Variants in NRGN observed in about 807,000 individuals in gnomAD.
NRGN encodes the protein neurogranin, also known as calmodulin-binding protein.
For synonymous variants in NRGN, 47 were observed against 52.8 expected, an observed-to-expected ratio of 0.89 and a Z score of 0.47; for missense variants, 82 against 123.0, an observed-to-expected ratio of 0.67 and a Z score of 1.58.
chr11:124,740,115 C>G lies in NRGN; in HGVS notation c.15+16C>G, dbSNP rs751881204. On this transcript the variant is annotated intron_variant, in intron 1 of 3. Coordinates refer to ENST00000284292, the MANE Select transcript of NRGN (RefSeq NM_006176.3). The surrounding 1 kb of genome is among the most constrained non-coding windows in gnomAD (Gnocchi z 7.5). ...CTGCTGCACCGTAAGTTAGAGGGCC[C>G]GGGGGAGGGGCACTTGGCGGGGTCC... The G allele has an allele frequency of 5.3e-6, 7 of 1,331,944 alleles. No homozygotes were observed. In the African/African-American group the frequency reaches 9.1e-5, roughly 17 times the overall value. The allele number at this position is 1,331,944 out of a possible 1,614,324, so 82.5% of individuals were successfully genotyped here.
In NRGN at chr11:124,740,894, A is replaced by T. The variant is rs1021552855; in HGVS notation, c.15+795A>T. Among the ~76,000 whole-genome samples the T allele has an allele frequency of 7.9e-5, 12 of 152,162 alleles. No homozygotes were observed. Among genetic ancestry groups the T allele is most frequent in the Non-Finnish European group, 1.2e-4 (8 of 68,024 alleles). ...CAGTGATCATACGTATATGAAATTT[A>T]TTTGTTTGCTTATTTATTTTTTGCC... On this transcript the variant is annotated intron_variant, in intron 1 of 3. Coordinates refer to ENST00000284292, the MANE Select transcript of NRGN (RefSeq NM_006176.3). The surrounding 1 kb of genome is among the most constrained non-coding windows in gnomAD (Gnocchi z 7.5).
rs935854695 is a variant in NRGN, at chr11:124,745,453, G to A, written c.16-50G>A. 7.2e-7 allele frequency: 1 copy of A among 1,391,880 alleles called. No individual in the cohort carries two copies. The highest frequency in any genetic ancestry group is 9.6e-7 in the Non-Finnish European group (1 of 1,038,150). The allele number at this position is 1,391,880 out of a possible 1,614,324, so 86.2% of individuals were successfully genotyped here. A position where few individuals can be genotyped will look rare whatever the true frequency, so the allele number is the denominator to read the frequency against. Reference sequence around the variant, plus strand: ...AGGGCTCTATTCCTACCCCACTCCCGCGGATCAAGACCCAGTGACCCCACA... The same window carrying A: ...AGGGCTCTATTCCTACCCCACTCCCACGGATCAAGACCCAGTGACCCCACA... On this transcript the variant is annotated intron_variant, in intron 1 of 3. Coordinates refer to ENST00000284292, the MANE Select transcript of NRGN (RefSeq NM_006176.3). The surrounding 1 kb of genome is among the most constrained non-coding windows in gnomAD (Gnocchi z 6.4).
rs1409307043 is a variant in NRGN, at chr11:124,745,681, G to A, written c.194G>A (p.Gly65Glu). The A allele has an allele frequency of 1.4e-6, 2 of 1,441,698 alleles. No individual in the cohort carries two copies. The highest frequency in any genetic ancestry group is 1.8e-6 in the Non-Finnish European group (2 of 1,103,978). The allele number at this position is 1,441,698 out of a possible 1,614,324, so 89.3% of individuals were successfully genotyped here. Residue 65 changes from glycine (G) to glutamate (E), a missense_variant, in exon 2 of 4, where the codon GGG (glycine) becomes GAG (glutamate). Gly to Glu is a moderately conservative substitution (Grantham distance 98, BLOSUM62 -2). Transcript: ENST00000284292. The surrounding 1 kb of genome is among the most constrained non-coding windows in gnomAD (Gnocchi z 6.4). ...GGCCCTGGGGGGCCTGGCGGAGCTG[G>A]GGTGGCCCGGGGAGGCGCGGGCGGC... ...GPGPGGPGGA[G>E]VARGGAGGGP...
In NRGN at chr11:124,745,243, C is replaced by T. The variant is rs1229615729; in HGVS notation, c.16-260C>T. Among the ~76,000 whole-genome samples, 7 of 152,128 alleles carry T rather than the reference C, an allele frequency of 4.6e-5. No individual in the cohort carries two copies. Among genetic ancestry groups the T allele is most frequent in the Non-Finnish European group, 8.8e-5 (6 of 68,032 alleles). On this transcript the variant is annotated intron_variant, in intron 1 of 3. Transcript: ENST00000284292. This position sits in a 1 kb window ranked among gnomAD's most constrained non-coding sequence, Gnocchi z 6.4. ...CTCGGTGCTGGTGATGGGCCTGGCT[C>T]TCCCGCACCCAATCCTGCCTGCACT... is the stretch of plus-strand genomic sequence containing the variant.
Position 124,745,519 on chromosome 11 carries a change from A to T in NRGN, c.32A>T (p.Lys11Met). The change falls in exon 2 of 4, where the codon AAG becomes ATG. Residue 11 changes from lysine (K) to methionine (M), a missense_variant. Coordinates refer to ENST00000284292, the MANE Select transcript of NRGN (RefSeq NM_006176.3). This position sits in a 1 kb window ranked among gnomAD's most constrained non-coding sequence, Gnocchi z 6.4. MDCCTENACS[K>M]PDDDILDIPL... ...CGCCCCCAGGAGAACGCCTGCTCCA[A>T]GCCGGACGACGACATTCTAGACATC... The T allele has an allele frequency of 6.3e-7, 1 of 1,597,550 alleles. No homozygotes were observed. Among genetic ancestry groups the T allele is most frequent in the South Asian group, 1.1e-5 (1 of 89,062 alleles).
intron 1 of NRGN, chr11:124,744,490 C>T (rs1427938127): frequency 1.3e-5 from 2 of 152,330 alleles, no homozygotes; most frequent in African/African-American, 4.8e-5. Flanking sequence ...GCTGCATTTT[C>T]TTATCCTACA....
chr11:124,742,925 G>A (rs1943977678), intron 1 of NRGN, among the ~76,000 whole-genome samples: 1 of 152,166 alleles, frequency 6.6e-6, no homozygotes, highest in South Asian at 2.1e-4. Context: ...GGGACTAGAA[G>A]GCTTGGACCC....
chr11:124,740,417 A>G lies in NRGN; in HGVS notation c.15+318A>G, dbSNP rs558234959. 6.6e-6 allele frequency among the ~76,000 whole-genome samples: 1 copy of G among 152,300 alleles called. No individual in the cohort carries two copies. The highest frequency in any genetic ancestry group is 1.5e-5 in the Non-Finnish European group (1 of 68,030). ...GGATGACAGGAGGAACTTCCTCCCC[A>G]GTGAGACGCTGGCAACCATCGCCTG... is the stretch of plus-strand genomic sequence containing the variant. On this transcript the variant is annotated intron_variant, in intron 1 of 3. Transcript: ENST00000284292. This position sits in a 1 kb window ranked among gnomAD's most constrained non-coding sequence, Gnocchi z 7.5.
At chr11:124,744,004 C>G (rs891146750) in intron 1 of NRGN, among the ~76,000 whole-genome samples, 1 of 152,000 alleles carries the variant, frequency 6.6e-6, no homozygotes, top group African/African-American at 2.4e-5. Context: ...CTGACCCACA[C>G]TAATACTGCA....
chr11:124,743,532 G>GT (rs563937701), intron 1 of NRGN, among the ~76,000 whole-genome samples: 16 of 152,006 alleles, frequency 1.1e-4, no homozygotes, highest in African/African-American at 3.1e-4. Flanking sequence ...TTTTCTTTCT[G>GT]TTTTTTTGAC....
rs1294451086 is a variant in NRGN at position 124,740,811 on chromosome 11, G to A, written c.15+712G>A. Reference sequence around the variant, plus strand: ...AGCGCCCGAGGGGTTTGCTGTAAAGGTGACTCGGTATGAAAGCGCCTGGCA... The same window carrying A: ...AGCGCCCGAGGGGTTTGCTGTAAAGATGACTCGGTATGAAAGCGCCTGGCA... On this transcript the variant is annotated intron_variant, in intron 1 of 3. Transcript: ENST00000284292. This position sits in a 1 kb window ranked among gnomAD's most constrained non-coding sequence, Gnocchi z 7.5. Among the ~76,000 whole-genome samples the A allele has an allele frequency of 6.6e-6, 1 of 152,270 alleles. No individual in the cohort carries two copies. Among genetic ancestry groups the A allele is most frequent in the Non-Finnish European group, 1.5e-5 (1 of 68,044 alleles).
chr11:124,743,326 G>A (rs1943981184), intron 1 of NRGN, among the ~76,000 whole-genome samples: 1 of 152,228 alleles, frequency 6.6e-6, no homozygotes, highest in Admixed American at 6.5e-5. Context: ...ACAGCTGCGA[G>A]GCCAAGGAGG....
Position 124,745,846 on chromosome 11 carries a change from G to A in NRGN, c.*5+117G>A, listed in dbSNP as rs1944005378. 2.0e-6 allele frequency: 1 copy of A among 487,834 alleles called. No individual in the cohort carries two copies. The highest frequency in any genetic ancestry group is 3.3e-6 in the Non-Finnish European group (1 of 304,352). 30.2% of individuals were successfully genotyped at this position (487,834 alleles called of 1,614,324 possible). On this transcript the variant is annotated intron_variant, in intron 2 of 3. Transcript: ENST00000284292. This position sits in a 1 kb window ranked among gnomAD's most constrained non-coding sequence, Gnocchi z 6.4. ...GGGGCGTGGAGGGAGCTAAGGGTTG[G>A]GGGATAGAAATCCGAGATGGGAGGT...
rs886732058 is a variant in NRGN, at chr11:124,740,357, C to T, written c.15+258C>T. Among the ~76,000 whole-genome samples the T allele has an allele frequency of 6.6e-6, 1 of 152,222 alleles. No individual in the cohort carries two copies. Among genetic ancestry groups the T allele is most frequent in the East Asian group, 1.9e-4 (1 of 5,192 alleles). ...TAGACAGCCTAGGCTGGACTGGGAGCTCGGCAGGGCTCTGCAAGAGGGGAA... is the reference window on the plus strand; with the variant it reads ...TAGACAGCCTAGGCTGGACTGGGAGTTCGGCAGGGCTCTGCAAGAGGGGAA... On this transcript the variant is annotated intron_variant, in intron 1 of 3. Coordinates refer to ENST00000284292, the MANE Select transcript of NRGN (RefSeq NM_006176.3). The surrounding 1 kb of genome is among the most constrained non-coding windows in gnomAD (Gnocchi z 7.5).
chr11:124,745,841 G>C lies in NRGN; in HGVS notation c.*5+112G>C. The C allele has an allele frequency of 4.0e-6, 2 of 506,120 alleles. No individual in the cohort carries two copies. Among genetic ancestry groups the C allele is most frequent in the Non-Finnish European group, 6.3e-6 (2 of 319,350 alleles). 31.4% of individuals were successfully genotyped at this position (506,120 alleles called of 1,614,324 possible). On this transcript the variant is annotated intron_variant, in intron 2 of 3. Coordinates refer to ENST00000284292, the MANE Select transcript of NRGN (RefSeq NM_006176.3). This position sits in a 1 kb window ranked among gnomAD's most constrained non-coding sequence, Gnocchi z 6.4. Reference sequence around the variant, plus strand: ...TGCAGGGGGCGTGGAGGGAGCTAAGGGTTGGGGGATAGAAATCCGAGATGG... The same window carrying C: ...TGCAGGGGGCGTGGAGGGAGCTAAGCGTTGGGGGATAGAAATCCGAGATGG...
At position 124,740,028 on chromosome 11, in the gene NRGN, A is replaced by G; in HGVS notation, c.-57A>G. Reference sequence around the variant, plus strand: ...AGAGCCCCCACCCGGCACCACACAGACCCCACCCCCGCCCTGCGCCAGCCT... The same window carrying G: ...AGAGCCCCCACCCGGCACCACACAGGCCCCACCCCCGCCCTGCGCCAGCCT... On this transcript the variant is annotated 5_prime_UTR_variant, in exon 1 of 4. Transcript: ENST00000284292. The surrounding 1 kb of genome is among the most constrained non-coding windows in gnomAD (Gnocchi z 7.5). 3.4e-6 allele frequency: 3 copies of G among 872,800 alleles called. No homozygotes were observed. The highest frequency in any genetic ancestry group is 4.8e-6 in the Non-Finnish European group (3 of 629,766). The allele number at this position is 872,800 out of a possible 1,614,324, so 54.1% of individuals were successfully genotyped here. A position where few individuals can be genotyped will look rare whatever the true frequency, so the allele number is the denominator to read the frequency against.
rs528923546 is a variant in NRGN, at chr11:124,740,676, C to T, written c.15+577C>T. 6.6e-6 allele frequency among the ~76,000 whole-genome samples: 1 copy of T among 152,238 alleles called. No individual in the cohort carries two copies. Among genetic ancestry groups the T allele is most frequent in the South Asian group, 2.1e-4 (1 of 4,834 alleles). The stretch of plus-strand genomic sequence containing the variant: ...GTTGTCCCGGCCCCCAAGGCCTTCT[C>T]GCTCGGAAGGGGCTGGGTGAAGTGA... On this transcript the variant is annotated intron_variant, in intron 1 of 3. Transcript: ENST00000284292. The surrounding 1 kb of genome is among the most constrained non-coding windows in gnomAD (Gnocchi z 7.5).
Position 124,745,466 on chromosome 11 carries a change from C to CAGTG in NRGN, c.16-35_16-32dup. ...TACCCCACTCCCGCGGATCAAGACC[C>CAGTG]AGTGACCCCACAAGAACCCCCCTGC... is the stretch of plus-strand genomic sequence containing the variant. On this transcript the variant is annotated intron_variant, in intron 1 of 3. Coordinates refer to ENST00000284292, the MANE Select transcript of NRGN (RefSeq NM_006176.3). This position sits in a 1 kb window ranked among gnomAD's most constrained non-coding sequence, Gnocchi z 6.4. The CAGTG allele has an allele frequency of 6.7e-7, 1 of 1,488,020 alleles. No individual in the cohort carries two copies. Among genetic ancestry groups the CAGTG allele is most frequent in the Non-Finnish European group, 9.0e-7 (1 of 1,106,286 alleles). 92.2% of individuals were successfully genotyped at this position (1,488,020 alleles called of 1,614,324 possible).
intron 1 of NRGN, among the ~76,000 whole-genome samples, chr11:124,741,411 C>T (rs746308799): frequency 6.6e-6 from 1 of 152,138 alleles, no homozygotes; most frequent in Non-Finnish European, 1.5e-5. Flanking sequence ...GTAATCTGCT[C>T]ATAATAGAAA....
Sources: gnomAD v4.1 joint callset for allele counts (sites outside exome capture counted in the v4.1 genomes callset) on GRCh38, gnomAD v4.1.1 for gene constraint, Gnocchi (gnomAD v3.1) non-coding constraint, MANE v1.5 for transcripts, NCBI Gene and HGNC (gene_info 2026-07-23, HGNC 2026-07-21) for gene names.